Variants in ZFHX3 observed in about 807,000 individuals in gnomAD.
ZFHX3 encodes zinc finger homeobox 3.
Under a neutral mutation model 279.1 loss-of-function variants are expected in ZFHX3, and 42 were observed. That is an observed-to-expected ratio of 0.15 (90% confidence interval 0.12 to 0.19). The LOEUF is 0.19. Ranked by LOEUF, ZFHX3 falls within the 10% of genes least tolerant of loss-of-function variation. ZFHX3 has a pLI of 1.00. For synonymous variants in ZFHX3, 2,293 were observed against 1,957.8 expected (o/e 1.17, Z -4.52); for missense variants, 4,981 against 4,754.0 (o/e 1.05, Z -1.40).
intron 4 of ZFHX3, among the ~76,000 whole-genome samples, chr16:73,258,831 C>T (rs1375620360): frequency 1.3e-5 from 2 of 152,176 alleles, no homozygotes; most frequent in East Asian, 3.8e-4. Flanking sequence ...TTCTTTCTCT[C>T]TCACTTCTTC....
intron 2 of ZFHX3, among the ~76,000 whole-genome samples, chr16:73,461,997 A>G (rs903801241): frequency 6.6e-6 from 1 of 152,166 alleles, no homozygotes; most frequent in African/African-American, 2.4e-5. Context: ...TTCCATCAAC[A>G]TTGAATGTCT....
intron 1 of ZFHX3, among the ~76,000 whole-genome samples, chr16:73,734,787 T>C (rs1487253765): frequency 6.6e-6 from 1 of 152,212 alleles, no homozygotes; most frequent in African/African-American, 2.4e-5. Context: ...AGTGATGCTT[T>C]ATGTGAAACA....
chr16:73,300,044 G>C (rs983943181), intron 4 of ZFHX3, among the ~76,000 whole-genome samples: 1 of 152,096 alleles, frequency 6.6e-6, no homozygotes, highest in African/African-American at 2.4e-5. Flanking sequence ...TGATTCCTTT[G>C]CTACTGTTCC....
At chr16:73,186,555 G>T (rs1597209832) in intron 5 of ZFHX3, among the ~76,000 whole-genome samples, 1 of 138,354 alleles carries the variant, frequency 7.2e-6, no homozygotes, top group Non-Finnish European at 1.6e-5. Flanking sequence ...TCCAGGAAAA[G>T]TTTTTTTTTT....
intron 1 of ZFHX3, among the ~76,000 whole-genome samples, chr16:73,829,948 CG>C (rs1417598605): frequency 3.0e-5 from 3 of 99,312 alleles, no homozygotes; most frequent in Non-Finnish European, 5.9e-5. Context: ...TTGAGCTTCC[CG>C]GCTGCTTTGT....
chr16:73,726,703 C>T (rs974361336), intron 1 of ZFHX3, among the ~76,000 whole-genome samples: 11 of 152,050 alleles, frequency 7.2e-5, no homozygotes, highest in South Asian at 2.1e-4. Flanking sequence ...AGCGGGAGCA[C>T]GAGGGAGGAG....
rs1006631988 is a variant in ZFHX3 at position 72,785,059 on chromosome 16, T to G, written c.*2105A>C. 4.0e-5 allele frequency: 6 copies of G among 151,204 alleles called. No individual in the cohort carries two copies. Among genetic ancestry groups the G allele is most frequent in the Non-Finnish European group, 8.8e-5 (6 of 68,046 alleles). 9.4% of individuals were successfully genotyped at this position (151,204 alleles called of 1,614,324 possible). The stretch of plus-strand genomic sequence containing the variant: ...ATTCACAGTCTTCAAAGTTCCCTTT[T>G]GAAACATAAGGAAGAAAACGAAGGG... On this transcript the variant is annotated 3_prime_UTR_variant, in exon 10 of 10. Coordinates refer to ENST00000268489, the MANE Select transcript of ZFHX3 (RefSeq NM_006885.4).
chr16:73,639,046 G>T (rs1014113718), intron 2 of ZFHX3, among the ~76,000 whole-genome samples: 5 of 152,086 alleles, frequency 3.3e-5, no homozygotes, highest in African/African-American at 1.2e-4. Context: ...TGAGCTAGTG[G>T]TCTGTCTAAC....
At chr16:73,868,694 C>G (rs1341200189) in intron 1 of ZFHX3, among the ~76,000 whole-genome samples, 2 of 152,194 alleles carry the variant, frequency 1.3e-5, no homozygotes, top group African/African-American at 2.4e-5. Context: ...AGCATATTAA[C>G]TGAAATTTTT....
chr16:73,538,398 A>G (rs1033607600), intron 2 of ZFHX3, among the ~76,000 whole-genome samples: 2 of 152,236 alleles, frequency 1.3e-5, no homozygotes, highest in African/African-American at 4.8e-5. Context: ...ATCAACCTCA[A>G]TTTCAGCTCT....
intron 1 of ZFHX3, among the ~76,000 whole-genome samples, chr16:73,842,026 C>A (rs143961429): frequency 6.6e-6 from 1 of 150,936 alleles, no homozygotes; most frequent in African/African-American, 2.4e-5. Context: ...ACCAGCCTGA[C>A]CAACATGGTG....
chr16:73,591,176 C>T (rs915531949), intron 2 of ZFHX3, among the ~76,000 whole-genome samples: 3 of 151,336 alleles, frequency 2.0e-5, no homozygotes, highest in Admixed American at 6.6e-5. Context: ...CATGGTGAAA[C>T]CCTGTTTCTA....
chr16:73,649,907 C>T (rs977106682), intron 2 of ZFHX3, among the ~76,000 whole-genome samples: 8 of 152,102 alleles, frequency 5.3e-5, no homozygotes, highest in Admixed American at 1.3e-4. Context: ...TGCATTTGAT[C>T]GAAGCACTGG....
intron 1 of ZFHX3, among the ~76,000 whole-genome samples, chr16:73,792,867 C>G (rs77827897): frequency 9.2e-5 from 12 of 130,904 alleles, no homozygotes; most frequent in Middle Eastern, 7.7e-3. Flanking sequence ...CCCCCCCCCT[C>G]CCCTCTCTGC....
At position 72,959,348 on chromosome 16, in the gene ZFHX3, C is replaced by G; in HGVS notation, c.798G>C (p.Leu266=). The G allele has an allele frequency of 6.2e-7, 1 of 1,614,242 alleles. No homozygotes were observed. Among genetic ancestry groups the G allele is most frequent in the Non-Finnish European group, 8.5e-7 (1 of 1,180,042 alleles). The change falls in exon 2 of 10, where the codon CTG becomes CTC. Residue 266 remains leucine, a synonymous_variant. Transcript: ENST00000268489. ...VSKDVPNNVD[L]SKFDGFVLYG... is the part of the protein sequence containing the mutation. ...AGAGCACAAAGCCATCGAATTTGGA[C>G]AGGTCCACATTGTTGGGAACATCTT...
At chr16:73,323,277 C>G (rs1484140484) in intron 3 of ZFHX3, among the ~76,000 whole-genome samples, 1 of 152,164 alleles carries the variant, frequency 6.6e-6, no homozygotes, top group African/African-American at 2.4e-5. Context: ...AAAGAGGCAG[C>G]ATGACTGTTT....
chr16:73,055,696 G>GCACACA lies in ZFHX3; in HGVS notation c.-24+2833_-24+2834insTGTGTG, dbSNP rs200899475. On this transcript the variant is annotated intron_variant, in intron 1 of 8. Coordinates refer to the ZFHX3 transcript ENST00000397992. ...CAGACGTACGCGCGCGCGCGCGCGC[G>GCACACA]CGCACACACACACACACACACACAC... Among the ~76,000 whole-genome samples the GCACACA allele has an allele frequency of 4.8e-3, 457 of 94,746 alleles. 1 individual carries two copies. Among genetic ancestry groups the GCACACA allele is most frequent in the East Asian group, 0.019 (81 of 4,222 alleles). The allele number at this position is 94,746 out of a possible 152,430, so 62.2% of individuals were successfully genotyped here. A position where few individuals can be genotyped will look rare whatever the true frequency, so the allele number is the denominator to read the frequency against.
chr16:73,153,401 A>G (rs918171496), intron 5 of ZFHX3, among the ~76,000 whole-genome samples: 1 of 152,092 alleles, frequency 6.6e-6, no homozygotes, highest in Non-Finnish European at 1.5e-5. Context: ...CTGGGATTAC[A>G]GCCACACCTA....
chr16:73,170,482 G>C (rs965869552), intron 5 of ZFHX3, among the ~76,000 whole-genome samples: 1 of 151,866 alleles, frequency 6.6e-6, no homozygotes, highest in Non-Finnish European at 1.5e-5. Flanking sequence ...CGCCTGCCTC[G>C]GCCTCTCAAA....
Sources: gnomAD v4.1 joint callset for allele counts (sites outside exome capture counted in the v4.1 genomes callset) on GRCh38, gnomAD v4.1.1 for gene constraint, MANE v1.5 for transcripts, NCBI Gene and HGNC (gene_info 2026-07-23, HGNC 2026-07-21) for gene names.